Variants in PTPRG observed in about 807,000 individuals in gnomAD.
PTPRG encodes the protein protein tyrosine phosphatase receptor type G.
Under a neutral mutation model 165.3 loss-of-function variants are expected in PTPRG, and 102 were observed. The ratio of observed to expected loss-of-function variants is 0.62; its 90% CI spans 0.53 to 0.73. The LOEUF (loss-of-function observed/expected upper bound fraction) is 0.73. PTPRG is among the 30% of genes least tolerant of loss of function. The probability of loss-of-function intolerance (pLI) is 0.00; values close to 1 mark genes in which losing one functional copy is unlikely to be tolerated. For synonymous variants in PTPRG, 675 were observed against 669.5 expected (o/e 1.01, Z -0.13); for missense variants, 1,866 against 1,861.4 (o/e 1.00, Z -0.05).
At chr3:62,186,898 G>A (rs1699669433) in intron 8 of PTPRG, among the ~76,000 whole-genome samples, 1 of 152,146 alleles carries the variant, frequency 6.6e-6, no homozygotes, top group Admixed American at 6.5e-5. Flanking sequence ...GGCTGGGGTG[G>A]GGGCTGGCCA....
At chr3:61,680,689 C>T (rs1483277462) in intron 1 of PTPRG, among the ~76,000 whole-genome samples, 1 of 150,572 alleles carries the variant, frequency 6.6e-6, no homozygotes, top group East Asian at 1.9e-4. Flanking sequence ...TATAGGCTTT[C>T]AGGGTATATT....
chr3:62,263,447 G>A (rs902251106), intron 17 of PTPRG: 1 of 152,774 alleles, frequency 6.5e-6, no homozygotes, highest in Non-Finnish European at 1.5e-5. Flanking sequence ...TTCATACAGA[G>A]CCTCAAGGAA....
intron 5 of PTPRG, among the ~76,000 whole-genome samples, chr3:62,107,515 A>G (rs750952578): frequency 1.3e-5 from 2 of 152,258 alleles, no homozygotes; most frequent in Non-Finnish European, 2.9e-5. Flanking sequence ...TATTTCTGCT[A>G]TAAATACCAG....
intron 2 of PTPRG, among the ~76,000 whole-genome samples, chr3:61,798,619 GT>G (rs375412571): frequency 2.3e-3 from 289 of 128,122 alleles, no homozygotes; most frequent in East Asian, 4.5e-3. Context: ...GTTGCTGCTG[GT>G]TTTTTTTTTT....
Position 62,222,160 on chromosome 3 carries a change from T to C in PTPRG, c.2288+3177T>C, listed in dbSNP as rs1222438495. 1.3e-5 allele frequency among the ~76,000 whole-genome samples: 2 copies of C among 152,240 alleles called. No individual in the cohort carries two copies. The highest frequency in any genetic ancestry group is 4.8e-5 in the African/African-American group (2 of 41,466). ...TTTTGTTGTTCAGAACCCTTTTCTA[T>C]TGCAGTTGACAAAAATCCATTTCAA... is the stretch of plus-strand genomic sequence containing the variant. On this transcript the variant is annotated intron_variant, in intron 13 of 29. Coordinates refer to ENST00000474889, the MANE Select transcript of PTPRG (RefSeq NM_002841.4). This position sits in a 1 kb window ranked among gnomAD's most constrained non-coding sequence, Gnocchi z 4.5.
intron 2 of PTPRG, among the ~76,000 whole-genome samples, chr3:61,942,209 G>C (rs528628813): frequency 6.6e-6 from 1 of 151,496 alleles, no homozygotes; most frequent in African/African-American, 2.4e-5. Flanking sequence ...AACAGAAATT[G>C]GCCATGGCCA....
rs760188470 is a variant in PTPRG at position 62,157,158 on chromosome 3, A to G, written c.774A>G (p.Thr258=). Reference sequence around the variant, plus strand: ...ATCGGTACACAGGTTCCTTGACCACACCACCGTGTAGCGAAATAGTGGAGT... The same window carrying G: ...ATCGGTACACAGGTTCCTTGACCACGCCACCGTGTAGCGAAATAGTGGAGT... ...SYYRYTGSLT[T]PPCSEIVEWI... is the part of the protein sequence containing the mutation. The change falls in exon 7 of 30, where the codon ACA becomes ACG. Residue 258 remains threonine, a synonymous_variant. Coordinates refer to ENST00000474889, the MANE Select transcript of PTPRG (RefSeq NM_002841.4). 14 of 1,613,814 alleles carry G rather than the reference A, an allele frequency of 8.7e-6. No individual in the cohort carries two copies. The Admixed American group carries it at 1.5e-4, about 17-fold the overall frequency.
chr3:61,788,728 GT>G (rs2034785533), intron 2 of PTPRG, among the ~76,000 whole-genome samples: 1 of 152,226 alleles, frequency 6.6e-6, no homozygotes, highest in Non-Finnish European at 1.5e-5. Flanking sequence ...TTTTGGCTTT[GT>G]GAGTTGTATA....
At chr3:62,025,794 A>T (rs895451074) in intron 4 of PTPRG, among the ~76,000 whole-genome samples, 26 of 152,220 alleles carry the variant, frequency 1.7e-4, no homozygotes, top group African/African-American at 6.0e-4. Flanking sequence ...TATAGTCTTC[A>T]GTGATGACCT....
intron 2 of PTPRG, among the ~76,000 whole-genome samples, chr3:61,838,575 A>G (rs1264637963): frequency 6.6e-6 from 1 of 152,220 alleles, no homozygotes; most frequent in African/African-American, 2.4e-5. Flanking sequence ...CATCCCTTAA[A>G]TAAAAACAGT....
In PTPRG at chr3:62,075,990, T is replaced by C. The variant is rs74278892; in HGVS notation, c.520-2173T>C. ...TAATCTTAAAATATGATGATGATGA[T>C]GATGACCAGGCGCAGTGGTTCGTGC... On this transcript the variant is annotated intron_variant, in intron 4 of 29. Transcript: ENST00000474889. 7.0e-3 allele frequency among the ~76,000 whole-genome samples: 1,069 copies of C among 152,246 alleles called. 45 individuals are homozygous for C. Among genetic ancestry groups the C allele is most frequent in the Admixed American group, 0.061 (934 of 15,290 alleles).
intron 1 of PTPRG, among the ~76,000 whole-genome samples, chr3:61,676,180 G>A (rs963058986): frequency 1.3e-5 from 2 of 151,942 alleles, no homozygotes; most frequent in Non-Finnish European, 2.9e-5. Flanking sequence ...AAGTCTAGGC[G>A]GGCACAGTGG....
intron 7 of PTPRG, among the ~76,000 whole-genome samples, chr3:62,157,708 A>G (rs1255455122): frequency 1.3e-5 from 2 of 152,190 alleles, no homozygotes; most frequent in Admixed American, 6.5e-5. Context: ...CCACAATCAC[A>G]CAACTGGTAA....
chr3:61,913,833 T>G (rs567964452), intron 2 of PTPRG, among the ~76,000 whole-genome samples: 1 of 152,326 alleles, frequency 6.6e-6, no homozygotes, highest in African/African-American at 2.4e-5. Context: ...AAGGGAAATC[T>G]CCCCAGCTTT....
chr3:62,181,979 T>G (rs970267696), intron 8 of PTPRG, among the ~76,000 whole-genome samples: 16 of 152,242 alleles, frequency 1.1e-4, no homozygotes, highest in Non-Finnish European at 1.0e-4. Flanking sequence ...ACCAGTAACA[T>G]ACACAGTCAA....
At chr3:61,681,690 A>G (rs1703446206) in intron 1 of PTPRG, among the ~76,000 whole-genome samples, 1 of 152,190 alleles carries the variant, frequency 6.6e-6, no homozygotes, top group African/African-American at 2.4e-5. Flanking sequence ...ATACATGTAA[A>G]GTATTTGATA....
chr3:61,960,692 C>T (rs139487300), intron 2 of PTPRG, among the ~76,000 whole-genome samples: 1,709 of 152,112 alleles, frequency 0.011, 24 homozygotes, highest in African/African-American at 0.039. Context: ...GCAATTTTGT[C>T]CCCCTTGCTT....
chr3:62,153,653 G>A (rs1227544832), intron 6 of PTPRG, among the ~76,000 whole-genome samples: 1 of 152,178 alleles, frequency 6.6e-6, no homozygotes, highest in African/African-American at 2.4e-5. Context: ...TAACAACAAT[G>A]AGAGTAAGAA....
chr3:61,849,346 G>C (rs1489092151), intron 2 of PTPRG, among the ~76,000 whole-genome samples: 1 of 152,162 alleles, frequency 6.6e-6, no homozygotes, highest in East Asian at 1.9e-4. Flanking sequence ...GGAACCTGCA[G>C]CATGGGAAAT....
Sources: gnomAD v4.1 joint callset for allele counts (sites outside exome capture counted in the v4.1 genomes callset) on GRCh38, gnomAD v4.1.1 for gene constraint, Gnocchi (gnomAD v3.1) non-coding constraint, MANE v1.5 for transcripts, NCBI Gene and HGNC (gene_info 2026-07-23, HGNC 2026-07-21) for gene names.